Variants in LONRF2 observed in about 807,000 individuals in gnomAD.
LONRF2 encodes LON peptidase N-terminal domain and ring finger 2, also known as LON peptidase N-terminal domain and RING finger protein 2.
Under a neutral mutation model 66.6 loss-of-function variants are expected in LONRF2, and 35 were observed. The observed-to-expected ratio is 0.53, with a 90% CI of 0.40 to 0.70. The LOEUF (loss-of-function observed/expected upper bound fraction) is 0.70, where lower values mean the gene tolerates loss of function less well. Among genes scored for constraint, LONRF2 ranks in the 30% least tolerant of loss-of-function variants. The pLI, the probability that LONRF2 is intolerant of heterozygous loss-of-function variation, is 0.00. For missense variants in LONRF2, 902 were observed against 1,002.1 expected, an observed-to-expected ratio of 0.90 and a Z score of 1.35; for synonymous variants, 417 against 418.1, an observed-to-expected ratio of 1.00 and a Z score of 0.03.
chr2:100,302,881 A>G, intron 3 of LONRF2, 40 bp downstream of exon 3: 1 of 1,528,958 alleles, frequency 6.5e-7, no homozygotes, highest in Non-Finnish European at 8.8e-7. Flanking sequence ...AAGGCTATAA[A>G]TAAGACCTGA....
chr2:100,284,479 C>A lies in LONRF2; in HGVS notation c.2084G>T (p.Gly695Val). 1 of 1,590,204 alleles carries A rather than the reference C, an allele frequency of 6.3e-7. No individual in the cohort carries two copies. Among genetic ancestry groups the A allele is most frequent in the Non-Finnish European group, 8.6e-7 (1 of 1,168,512 alleles). Reference sequence around the variant, plus strand: ...CAGGATCCACCAGGACCAGGCAGGGCCGCTGGGATTACTCTGCAAAAGAGA... The same window carrying A: ...CAGGATCCACCAGGACCAGGCAGGGACGCTGGGATTACTCTGCAAAAGAGA... ...REPEPQSNPS[G>V]PAWSWWILAV... The change falls in exon 12 of 12, where the codon GGC becomes GTC. Residue 695 changes from glycine to valine, a missense_variant. Physicochemically the swap from Gly to Val is moderately radical, Grantham distance 109. This residue lies in a region of LONRF2 where 317 missense variants were observed against 432.2 expected (regional missense o/e 0.73). Coordinates refer to ENST00000393437, the MANE Select transcript of LONRF2 (RefSeq NM_198461.4).
At chr2:100,315,136 TTTTC>T (rs1675479769) in intron 1 of LONRF2, among the ~76,000 whole-genome samples, 1 of 152,264 alleles carries the variant, frequency 6.6e-6, no homozygotes, top group South Asian at 2.1e-4. Context: ...ATGTTTCATG[TTTTC>T]AGTGTATTGA....
intron 1 of LONRF2, among the ~76,000 whole-genome samples, chr2:100,320,440 C>CT (rs1056857523): frequency 2.4e-4 from 37 of 151,238 alleles, no homozygotes; most frequent in African/African-American, 6.3e-4. Flanking sequence ...ATATTTGGAT[C>CT]TTTTTTTTTG....
Position 100,274,676 on chromosome 2 carries a change from C to G in LONRF2, c.*9622G>C, listed in dbSNP as rs531277547. On this transcript the variant is annotated 3_prime_UTR_variant, in exon 12 of 12. Transcript: ENST00000393437. ...ACCCTGATCACCCAGGGCCAGGCAC[C>G]AGGCAGCTGGAGACCACCCCTGTAG... is the stretch of plus-strand genomic sequence containing the variant. 2 of 152,584 alleles carry G rather than the reference C, an allele frequency of 1.3e-5. No individual in the cohort carries two copies. Among genetic ancestry groups the G allele is most frequent in the East Asian group, 3.9e-4 (2 of 5,180 alleles). 9.5% of individuals were successfully genotyped at this position (152,584 alleles called of 1,614,324 possible).
intron 7 of LONRF2, among the ~76,000 whole-genome samples, chr2:100,298,506 A>C (rs1183618079): frequency 6.6e-6 from 1 of 152,214 alleles, no homozygotes; most frequent in Non-Finnish European, 1.5e-5. Flanking sequence ...AAGATGAAAA[A>C]GAGAATTCCT....
At chr2:100,305,915 G>A (rs573359415) in intron 2 of LONRF2, among the ~76,000 whole-genome samples, 35 of 152,224 alleles carry the variant, frequency 2.3e-4, no homozygotes, top group African/African-American at 7.9e-4. Context: ...TTGAGATGGA[G>A]TCTCGCTCTG....
intron 1 of LONRF2, among the ~76,000 whole-genome samples, chr2:100,313,064 A>G (rs7606277): frequency 2.6e-5 from 4 of 152,070 alleles, no homozygotes; most frequent in Non-Finnish European, 2.9e-5. Flanking sequence ...GTCTACCACA[A>G]CTGTGTTTAG....
rs1573104726 is a variant in LONRF2 at position 100,279,372 on chromosome 2, A to T, written c.*4926T>A. Reference sequence around the variant, plus strand: ...TACATTCTTGACTAATGCCACACACATGAGAGACTCAGCTATGGGCCAGCC... The same window carrying T: ...TACATTCTTGACTAATGCCACACACTTGAGAGACTCAGCTATGGGCCAGCC... On this transcript the variant is annotated 3_prime_UTR_variant, in exon 12 of 12. Transcript: ENST00000393437. 6.7e-6 allele frequency: 1 copy of T among 149,612 alleles called. No homozygotes were observed. Among genetic ancestry groups the T allele is most frequent in the South Asian group, 2.2e-4 (1 of 4,598 alleles). 9.3% of individuals were successfully genotyped at this position (149,612 alleles called of 1,614,324 possible).
intron 7 of LONRF2, among the ~76,000 whole-genome samples, chr2:100,296,205 C>T (rs572374190): frequency 2.4e-4 from 37 of 151,810 alleles, no homozygotes; most frequent in African/African-American, 7.7e-4. Flanking sequence ...TGTGTGTGTG[C>T]GCGTGTGTAT....
intron 1 of LONRF2, among the ~76,000 whole-genome samples, chr2:100,317,674 T>C (rs928212353): frequency 3.3e-5 from 5 of 152,206 alleles, no homozygotes; most frequent in Non-Finnish European, 7.3e-5. Context: ...GCTTGAGTTA[T>C]TTCTTTGGTT....
At position 100,273,504 on chromosome 2, in the gene LONRF2, A is replaced by C. The variant is rs1232083075; in HGVS notation, c.*10794T>G. Reference sequence around the variant, plus strand: ...TATCACATATTAGATATACAATACCAATTAATTGAAATGAACAGTACAAGA... The same window carrying C: ...TATCACATATTAGATATACAATACCCATTAATTGAAATGAACAGTACAAGA... On this transcript the variant is annotated 3_prime_UTR_variant, in exon 12 of 12. Coordinates refer to ENST00000393437, the MANE Select transcript of LONRF2 (RefSeq NM_198461.4). The C allele has an allele frequency of 6.6e-6, 1 of 152,246 alleles. No individual in the cohort carries two copies. The highest frequency in any genetic ancestry group is 1.5e-5 in the Non-Finnish European group (1 of 68,038). The allele number at this position is 152,246 out of a possible 1,614,324, so 9.4% of individuals were successfully genotyped here.
intron 7 of LONRF2, among the ~76,000 whole-genome samples, chr2:100,296,841 G>T (rs1471134859): frequency 1.3e-5 from 2 of 152,152 alleles, no homozygotes; most frequent in Non-Finnish European, 2.9e-5. Context: ...AAGGGTTCTG[G>T]AGATTCATAT....
chr2:100,301,213 G>GA (rs1456447114), intron 3 of LONRF2, among the ~76,000 whole-genome samples: 2 of 152,116 alleles, frequency 1.3e-5, no homozygotes, highest in Admixed American at 1.3e-4. Context: ...GACCCACCTC[G>GA]TAAAGAACTT....
At chr2:100,311,739 T>C (rs1185717529) in intron 1 of LONRF2, among the ~76,000 whole-genome samples, 1 of 152,204 alleles carries the variant, frequency 6.6e-6, no homozygotes, top group Admixed American at 6.5e-5. Context: ...TTCCTAGTTT[T>C]CTGTAAGGAC....
In LONRF2 at chr2:100,297,384, G is replaced by A. The variant is rs575547997; in HGVS notation, c.1476+1452C>T. Among the ~76,000 whole-genome samples the A allele has an allele frequency of 6.7e-3, 1,026 of 152,038 alleles. 7 individuals carry two copies. The highest frequency in any genetic ancestry group is 0.031 in the Middle Eastern group (9 of 292). On this transcript the variant is annotated intron_variant, in intron 7 of 11. Coordinates refer to ENST00000393437, the MANE Select transcript of LONRF2 (RefSeq NM_198461.4). The stretch of plus-strand genomic sequence containing the variant: ...TATCTCCCGCCCTTGTGACCCACCC[G>A]CCTCAGCCTCCCAAAGTGCTGGGAT...
At chr2:100,304,470 C>T (rs1281664397) in intron 2 of LONRF2, among the ~76,000 whole-genome samples, 1 of 152,054 alleles carries the variant, frequency 6.6e-6, no homozygotes, top group East Asian at 1.9e-4. Flanking sequence ...GTTTCCATCT[C>T]CCTGTTGAGA....
In LONRF2 at chr2:100,281,593, G is replaced by C. The variant is rs1024826375; in HGVS notation, c.*2705C>G. On this transcript the variant is annotated 3_prime_UTR_variant, in exon 12 of 12. Transcript: ENST00000393437. ...TTCAAAGACACAGGCAGGTTTGGGC[G>C]ATGAATGGAAAAATACAGAACAGCA... 1 of 152,124 alleles carries C rather than the reference G, an allele frequency of 6.6e-6. No individual in the cohort carries two copies. The highest frequency in any genetic ancestry group is 1.5e-5 in the Non-Finnish European group (1 of 68,038). The allele number at this position is 152,124 out of a possible 1,614,324, so 9.4% of individuals were successfully genotyped here.
chr2:100,305,352 C>T (rs1316999413), intron 2 of LONRF2, among the ~76,000 whole-genome samples: 1 of 152,152 alleles, frequency 6.6e-6, no homozygotes, highest in East Asian at 1.9e-4. Flanking sequence ...TCTGGATTCA[C>T]ATGACGACTT....
At position 100,316,439 on chromosome 2, in the gene LONRF2, TC is replaced by T. The variant is rs545543612; in HGVS notation, c.679+4975del. 1.3e-3 allele frequency among the ~76,000 whole-genome samples: 200 copies of T among 152,020 alleles called. 3 individuals carry two copies. The highest frequency in any genetic ancestry group is 1.9e-3 in the Non-Finnish European group (126 of 67,960). On this transcript the variant is annotated intron_variant, in intron 1 of 11. Coordinates refer to ENST00000393437, the MANE Select transcript of LONRF2 (RefSeq NM_198461.4). The stretch of plus-strand genomic sequence containing the variant: ...TTTATGTTGTGATTCATTTTACCCA[TC>T]ATTATATAAAAATATATTGCTTAAT...
Sources: allele counts gnomAD v4.1 joint callset (sites outside exome capture counted in the v4.1 genomes callset), GRCh38; gene constraint gnomAD v4.1.1; regional missense constraint gnomAD v4.1.1; transcripts MANE v1.5; gene names NCBI Gene and HGNC (gene_info 2026-07-23, HGNC 2026-07-21).